Variants in CFAP61 observed in about 807,000 individuals in gnomAD.
CFAP61 encodes cilia- and flagella-associated protein 61.
A neutral mutation model predicts 135.6 loss-of-function variants in CFAP61; 107 were observed. That is an observed-to-expected ratio of 0.79 (90% CI 0.67 to 0.93). The LOEUF is 0.93. CFAP61 is among the 40% of genes least tolerant of loss of function. CFAP61 has a pLI of 0.00. For synonymous variants in CFAP61, 575 were observed against 578.5 expected (o/e 0.99, Z 0.09); for missense variants, 1,507 against 1,556.2 (o/e 0.97, Z 0.53).
intron 9 of CFAP61, among the ~76,000 whole-genome samples, chr20:20,155,928 G>A (rs935399808): frequency 5.3e-5 from 8 of 152,042 alleles, no homozygotes; most frequent in South Asian, 2.1e-4. Context: ...GGTGTCTACC[G>A]AGTGGAAAAG....
intron 21 of CFAP61, chr20:20,265,471 A>G (rs756744440): frequency 2.6e-6 from 2 of 779,776 alleles, no homozygotes; most frequent in Admixed American, 1.7e-5. Context: ...AGGGATGGTG[A>G]TGCTGTGGTG....
intron 24 of CFAP61, among the ~76,000 whole-genome samples, chr20:20,294,957 A>T (rs144429111): frequency 1.4e-5 from 2 of 146,612 alleles, no homozygotes; most frequent in Non-Finnish European, 3.0e-5. Flanking sequence ...AATAATAATA[A>T]TAATAATAAT....
intron 2 of CFAP61, among the ~76,000 whole-genome samples, chr20:20,066,467 C>T (rs1217176788): frequency 6.6e-6 from 1 of 152,132 alleles, no homozygotes; most frequent in African/African-American, 2.4e-5. Context: ...GAAAATGTGG[C>T]ACATATACAC....
chr20:20,142,259 C>T (rs2051463126), intron 8 of CFAP61, among the ~76,000 whole-genome samples: 4 of 152,180 alleles, frequency 2.6e-5, no homozygotes, highest in African/African-American at 4.8e-5. Flanking sequence ...TGCTCAGCTC[C>T]AGTTCTTCTT....
At chr20:20,284,343 T>C (rs2054425023) in intron 22 of CFAP61, among the ~76,000 whole-genome samples, 1 of 152,032 alleles carries the variant, frequency 6.6e-6, no homozygotes, top group South Asian at 2.1e-4. Context: ...TGGAGTACAG[T>C]GGCTCGATCT....
At position 20,288,884 on chromosome 20, in the gene CFAP61, A is replaced by T; in HGVS notation, c.3072A>T (p.Pro1024=). 6.2e-7 allele frequency: 1 copy of T among 1,613,584 alleles called. No homozygotes were observed. ...CAACCCTTGAGCCTGTGACCGAGCCACCAGCTAATCTTGACCGGCTCATCC... is the reference window on the plus strand; with the variant it reads ...CAACCCTTGAGCCTGTGACCGAGCCTCCAGCTAATCTTGACCGGCTCATCC... ...FDPTLEPVTE[P]PANLDRLIPM... The change falls in exon 23 of 27, where the codon CCA becomes CCT. Residue 1024 remains proline, a synonymous_variant. Coordinates refer to ENST00000245957, the MANE Select transcript of CFAP61 (RefSeq NM_015585.4).
intron 21 of CFAP61, among the ~76,000 whole-genome samples, chr20:20,273,229 G>A (rs2053499012): frequency 6.6e-6 from 1 of 151,944 alleles, no homozygotes; most frequent in African/African-American, 2.4e-5. Context: ...TTGTTTCCCT[G>A]AGCTTAAATG....
At chr20:20,205,018 G>A (rs1037677472) in intron 17 of CFAP61, among the ~76,000 whole-genome samples, 1 of 151,758 alleles carries the variant, frequency 6.6e-6, no homozygotes, top group South Asian at 2.1e-4. Context: ...TACAATACAA[G>A]TTCTGTGGCC....
chr20:20,287,925 T>G (rs1223849177), intron 22 of CFAP61, among the ~76,000 whole-genome samples: 2 of 152,102 alleles, frequency 1.3e-5, no homozygotes, highest in African/African-American at 4.8e-5. Context: ...ACAAATAATT[T>G]CTAAGGAGCA....
chr20:20,206,466 CT>C (rs1453587963), intron 17 of CFAP61, among the ~76,000 whole-genome samples: 1 of 152,136 alleles, frequency 6.6e-6, no homozygotes, highest in African/African-American at 2.4e-5. Context: ...AACCAGTAGT[CT>C]ACTTAATCTC....
rs537409803 is a variant in CFAP61, at chr20:20,199,752, G to A, written c.1798-16G>A. 4 of 1,613,678 alleles carry A rather than the reference G, an allele frequency of 2.5e-6. No individual in the cohort carries two copies. ...CTGACATTCTCTCCCCTAAAATATA[G>A]ATTGCTGTCTTTCAGTTCCAGAACC... On this transcript the variant is annotated splice_polypyrimidine_tract_variant and intron_variant, in intron 16 of 26. Coordinates refer to ENST00000245957, the MANE Select transcript of CFAP61 (RefSeq NM_015585.4).
chr20:20,092,791 C>T (rs769512389), intron 7 of CFAP61, among the ~76,000 whole-genome samples: 5 of 152,158 alleles, frequency 3.3e-5, no homozygotes, highest in Non-Finnish European at 4.4e-5. Context: ...CACTAAGATA[C>T]CACTTTACCT....
rs1186463848 is a variant in CFAP61, at chr20:20,246,256, T to C, written c.2159+41T>C. On this transcript the variant is annotated intron_variant, in intron 19 of 26. Coordinates refer to ENST00000245957, the MANE Select transcript of CFAP61 (RefSeq NM_015585.4). ...GCTTTTTCATTCTGAGGCCTAAATGTCCTACTCTGTGTGCAGTCTATTTAA... is the reference window on the plus strand; with the variant it reads ...GCTTTTTCATTCTGAGGCCTAAATGCCCTACTCTGTGTGCAGTCTATTTAA... 3 of 1,199,704 alleles carry C rather than the reference T, an allele frequency of 2.5e-6. No homozygotes were observed. In the South Asian group the frequency reaches 3.6e-5, roughly 15 times the overall value. 74.3% of individuals were successfully genotyped at this position (1,199,704 alleles called of 1,614,324 possible).
At chr20:20,099,517 C>A (rs997558569) in intron 8 of CFAP61, among the ~76,000 whole-genome samples, 7 of 152,038 alleles carry the variant, frequency 4.6e-5, no homozygotes, top group Non-Finnish European at 1.0e-4. Context: ...TACATCAATT[C>A]ACTTCTCCAA....
At chr20:20,184,069 C>T (rs2055318457) in intron 13 of CFAP61, among the ~76,000 whole-genome samples, 1 of 152,210 alleles carries the variant, frequency 6.6e-6, no homozygotes, top group Admixed American at 6.5e-5. Flanking sequence ...TCCTACTGAA[C>T]ATTTATTGGG....
At chr20:20,273,060 T>TC (rs1601754688) in intron 21 of CFAP61, among the ~76,000 whole-genome samples, 1 of 151,022 alleles carries the variant, frequency 6.6e-6, no homozygotes, top group Non-Finnish European at 1.5e-5. Flanking sequence ...TTTTTTTTTT[T>TC]TGTAGAGACA....
chr20:20,165,116 C>A (rs959613982), intron 11 of CFAP61, among the ~76,000 whole-genome samples: 4 of 152,208 alleles, frequency 2.6e-5, no homozygotes, highest in Admixed American at 2.6e-4. Context: ...TACTTCCCTG[C>A]TGTTGGACCC....
At chr20:20,286,667 A>G (rs1292497881) in intron 22 of CFAP61, among the ~76,000 whole-genome samples, 1 of 152,234 alleles carries the variant, frequency 6.6e-6, no homozygotes, top group Non-Finnish European at 1.5e-5. Context: ...CATAGGTTGT[A>G]TTTGCAAGGT....
At chr20:20,086,363 G>A (rs1486009172) in intron 6 of CFAP61, among the ~76,000 whole-genome samples, 7 of 125,022 alleles carry the variant, frequency 5.6e-5, no homozygotes, top group Non-Finnish European at 1.1e-4. Context: ...TCCCCTTCCT[G>A]TGTCCATGTG....
Sources: gnomAD v4.1 joint callset for allele counts (sites outside exome capture counted in the v4.1 genomes callset) on GRCh38, gnomAD v4.1.1 for gene constraint, MANE v1.5 for transcripts, NCBI Gene and HGNC (gene_info 2026-07-23, HGNC 2026-07-21) for gene names.